CHST15: variants seen among roughly 807,000 people sequenced by gnomAD.
CHST15 encodes B cell RAG associated protein (GALNAC4S-6ST).
Under a neutral mutation model 53.6 loss-of-function variants are expected in CHST15, and 30 were observed. That is an observed-to-expected ratio of 0.56 (90% CI 0.42 to 0.76). The LOEUF (loss-of-function observed/expected upper bound fraction) is 0.76, where lower values mean the gene tolerates loss of function less well. Ranked by LOEUF, CHST15 falls within the 30% of genes least tolerant of loss-of-function variation. The pLI, the probability that CHST15 is intolerant of heterozygous loss-of-function variation, is 0.00. For missense variants in CHST15, 627 were observed against 740.5 expected (o/e 0.85, Z 1.78); for synonymous variants, 296 against 289.8 (o/e 1.02, Z -0.22).
intron 1 of CHST15, among the ~76,000 whole-genome samples, chr10:124,064,759 A>G (rs1053851303): frequency 2.6e-5 from 4 of 150,966 alleles, no homozygotes; most frequent in African/African-American, 9.8e-5. Flanking sequence ...ATTTTCCCCA[A>G]CACCACTGGC....
At chr10:124,060,382 G>T (rs1200567578) in intron 1 of CHST15, among the ~76,000 whole-genome samples, 2 of 151,210 alleles carry the variant, frequency 1.3e-5, no homozygotes, top group Admixed American at 6.6e-5. Context: ...ATGTGCGAAG[G>T]TGTGCCAGGC....
chr10:124,060,139 CCATT>C (rs941458698), intron 1 of CHST15, among the ~76,000 whole-genome samples: 7 of 150,824 alleles, frequency 4.6e-5, no homozygotes, highest in South Asian at 2.1e-4. Flanking sequence ...GTGCCAGCCC[CCATT>C]CAGTGTGTGC....
At chr10:124,056,822 C>T (rs980308975) in intron 1 of CHST15, among the ~76,000 whole-genome samples, 1 of 151,748 alleles carries the variant, frequency 6.6e-6, no homozygotes, top group African/African-American at 2.4e-5. Context: ...CTCCACGGCC[C>T]AGGCCTATAC....
intron 1 of CHST15, among the ~76,000 whole-genome samples, chr10:124,066,031 TTC>T (rs1411542453): frequency 7.3e-6 from 1 of 137,896 alleles, no homozygotes; most frequent in South Asian, 2.5e-4. Context: ...ACCCGAATTC[TTC>T]TGTCTTTTTG....
Position 124,042,323 on chromosome 10 carries a change from G to T in CHST15, c.1011C>A (p.Ser337Arg). Reference sequence around the variant, plus strand: ...TACCGATAATGATTGTATTCATCTTGCTCTGCTCCTTTGCAGAGCTGGCCT... The same window carrying T: ...TACCGATAATGATTGTATTCATCTTTCTCTGCTCCTTTGCAGAGCTGGCCT... ...GLQASSAKEQ[S>R]KMNTIIIGEA... is the part of the protein sequence containing the mutation. Residue 337 changes from serine to arginine, a missense_variant, in exon 4 of 8, where the codon AGC (serine) becomes AGA (arginine). Ser to Arg is a moderately radical substitution (Grantham distance 110, BLOSUM62 -1). This residue lies in a region of CHST15 where 279 missense variants were observed against 371.6 expected (regional missense o/e 0.75). Transcript: ENST00000435907. 6.2e-7 allele frequency: 1 copy of T among 1,613,948 alleles called. No individual in the cohort carries two copies. The highest frequency in any genetic ancestry group is 8.5e-7 in the Non-Finnish European group (1 of 1,179,828).
intron 6 of CHST15, chr10:124,020,619 CACGCAGCGGCAATGCTCGCTGCA>C: frequency 1.0e-6 from 1 of 987,452 alleles, no homozygotes; most frequent in Non-Finnish European, 1.2e-6. Flanking sequence ...CACTCTGGAA[CACGCAGCGGCAATGCTCGCTGCA>C]TAAGCCCTGC....
In CHST15 at chr10:124,045,995, C is replaced by T. The variant is rs750731230; in HGVS notation, c.218G>A (p.Arg73His). 1.5e-5 allele frequency: 25 copies of T among 1,613,952 alleles called. No homozygotes were observed. Among genetic ancestry groups the T allele is most frequent in the African/African-American group, 4.0e-5 (3 of 74,870 alleles). Residue 73 changes from arginine to histidine, a missense_variant, in exon 2 of 8, where the codon CGC (arginine) becomes CAC (histidine). Arg to His is a conservative substitution (Grantham distance 29). Around this residue, in one of 3 missense-constraint regions of CHST15, gnomAD observed 187 missense variants for 251.8 expected, o/e 0.74. Transcript: ENST00000435907. ...GCTACATCGCTTCCCCTTTTTGAAG[C>T]GCAAAAACCCACCCCAGTTTTCGTT... is the stretch of plus-strand genomic sequence containing the variant. ...EGNENWGGFL[R>H]FKKGKRCSLV...
intron 1 of CHST15, among the ~76,000 whole-genome samples, chr10:124,081,705 A>G (rs1299115421): frequency 6.6e-6 from 1 of 152,208 alleles, no homozygotes; most frequent in East Asian, 1.9e-4. Flanking sequence ...CTGGAAACAT[A>G]AACGCTGGAA....
At chr10:124,085,481 T>C (rs1278092543) in intron 1 of CHST15, among the ~76,000 whole-genome samples, 3 of 152,264 alleles carry the variant, frequency 2.0e-5, no homozygotes, top group African/African-American at 7.2e-5. Context: ...TGAGCTCTCC[T>C]GTGCCACACT....
intron 1 of CHST15, among the ~76,000 whole-genome samples, chr10:124,092,633 G>A (rs887635350): frequency 6.6e-6 from 1 of 152,202 alleles, no homozygotes; most frequent in Non-Finnish European, 1.5e-5. Flanking sequence ...GCCCGGAACC[G>A]CCGCAAGGCT....
In CHST15 at chr10:124,036,676, A is replaced by G. The variant is rs1263476874; in HGVS notation, c.1190+1839T>C. ...CACACCCATGTGCACACACACACAC[A>G]CACACACTTATTTGCATAGAAAAGT... On this transcript the variant is annotated intron_variant, in intron 5 of 7. Coordinates refer to ENST00000435907, the MANE Select transcript of CHST15 (RefSeq NM_001270764.2). This position sits in a 1 kb window ranked among gnomAD's most constrained non-coding sequence, Gnocchi z 5.1. Among the ~76,000 whole-genome samples, 1 of 152,150 alleles carries G rather than the reference A, an allele frequency of 6.6e-6. No homozygotes were observed. Among genetic ancestry groups the G allele is most frequent in the Non-Finnish European group, 1.5e-5 (1 of 68,036 alleles).
Position 124,074,877 on chromosome 10 carries a change from A to G in CHST15, c.-513+18592T>C, listed in dbSNP as rs1210926377. 6.6e-6 allele frequency among the ~76,000 whole-genome samples: 1 copy of G among 152,172 alleles called. No individual in the cohort carries two copies. The highest frequency in any genetic ancestry group is 1.5e-5 in the Non-Finnish European group (1 of 68,022). ...CTTTCCTTTTGAATGCGGCTGTGCT[A>G]GGCAGTGGGGTGCAGTGTGTGGACA... On this transcript the variant is annotated intron_variant, in intron 1 of 7. Coordinates refer to ENST00000435907, the MANE Select transcript of CHST15 (RefSeq NM_001270764.2). This position sits in a 1 kb window ranked among gnomAD's most constrained non-coding sequence, Gnocchi z 4.4.
At chr10:124,058,625 C>CA (rs1382307502) in intron 1 of CHST15, among the ~76,000 whole-genome samples, 3 of 152,342 alleles carry the variant, frequency 2.0e-5, no homozygotes, top group African/African-American at 7.2e-5. Context: ...AGCCATCACT[C>CA]AGCCCACCGG....
rs151334494 is a variant in CHST15, at chr10:124,046,105, C to G, written c.108G>C (p.Thr36=). Residue 36 remains threonine (T), a synonymous_variant, in exon 2 of 8, where the codon ACG becomes ACC. Transcript: ENST00000435907. The part of the protein sequence containing the change: ...GPHHGHQACP[T]CKGENKILFR... ...ACAGAATTTTGTTTTCTCCTTTGCA[C>G]GTGGGGCACGCCTGGTGACCGTGAT... 4.6e-4 allele frequency: 741 copies of G among 1,614,232 alleles called. 3 individuals carry two copies. In the African/African-American group the frequency reaches 9.1e-3, roughly 20 times the overall value.
intron 5 of CHST15, among the ~76,000 whole-genome samples, chr10:124,035,699 GTCC>G (rs1475050279): frequency 1.3e-5 from 2 of 152,238 alleles, no homozygotes; most frequent in South Asian, 2.1e-4. Context: ...CTTTGCACCT[GTCC>G]TCCTCTCTGC....
At chr10:124,022,792 G>A (rs1483117929) in intron 5 of CHST15, among the ~76,000 whole-genome samples, 3 of 142,460 alleles carry the variant, frequency 2.1e-5, no homozygotes, top group East Asian at 2.0e-4. Context: ...CAACCCCCTC[G>A]CCCTGCTCCT....
At chr10:124,061,539 C>G (rs967437895) in intron 1 of CHST15, among the ~76,000 whole-genome samples, 5 of 152,190 alleles carry the variant, frequency 3.3e-5, no homozygotes, top group African/African-American at 9.7e-5. Context: ...CGGACTAATA[C>G]ACTCCCCACA....
intron 5 of CHST15, among the ~76,000 whole-genome samples, chr10:124,037,727 G>C (rs1011635506): frequency 2.0e-5 from 3 of 152,194 alleles, no homozygotes; most frequent in Admixed American, 2.0e-4. Context: ...GGAAACCCTT[G>C]ATCTTAAAGC....
chr10:124,032,518 C>A (rs944078173), intron 5 of CHST15, among the ~76,000 whole-genome samples: 1 of 152,188 alleles, frequency 6.6e-6, no homozygotes, highest in East Asian at 1.9e-4. Flanking sequence ...AATTAAGAGA[C>A]AAACACTATC....
Sources: allele counts gnomAD v4.1 joint callset (sites outside exome capture counted in the v4.1 genomes callset), GRCh38; gene constraint gnomAD v4.1.1; regional missense constraint gnomAD v4.1.1; non-coding constraint Gnocchi (gnomAD v3.1); transcripts MANE v1.5; gene names NCBI Gene and HGNC (gene_info 2026-07-23, HGNC 2026-07-21).